The following RAD51B variants were observed in gnomAD, a reference collection of about 807,000 sequenced individuals.
The protein encoded by RAD51B is RAD51 paralog B, also known as DNA repair protein RAD51 homolog 2.
A neutral mutation model predicts 42.2 loss-of-function variants in RAD51B; 38 were observed. The ratio of observed to expected loss-of-function variants is 0.90; its 90% CI spans 0.70 to 1.18. The LOEUF is 1.18. Ranked by LOEUF, RAD51B falls within the 50% of genes most tolerant of loss-of-function variation. The pLI, the probability that RAD51B is intolerant of heterozygous loss-of-function variation, is 0.00. For synonymous variants in RAD51B, 154 were observed against 145.2 expected (o/e 1.06, Z -0.43); for missense variants, 373 against 400.7 (o/e 0.93, Z 0.59).
intron 7 of RAD51B, among the ~76,000 whole-genome samples, chr14:68,260,139 A>G (rs963716633): frequency 6.6e-6 from 1 of 152,138 alleles, no homozygotes. Context: ...GAGGACTTGC[A>G]TTAGCTGAGA....
At chr14:67,857,056 A>T (rs908746070) in intron 4 of RAD51B, among the ~76,000 whole-genome samples, 4 of 152,206 alleles carry the variant, frequency 2.6e-5, no homozygotes, top group Admixed American at 2.6e-4. Flanking sequence ...AACTGAACAC[A>T]ACTTGAAATT....
chr14:67,867,417 C>G, intron 5 of RAD51B, among the ~76,000 whole-genome samples: 1 of 152,188 alleles, frequency 6.6e-6, no homozygotes, highest in South Asian at 2.1e-4. Context: ...CTAGGGCATG[C>G]ACATTTTCAG....
intron 8 of RAD51B, among the ~76,000 whole-genome samples, chr14:68,376,456 A>G (rs1242080505): frequency 6.6e-6 from 1 of 152,254 alleles, no homozygotes. Context: ...TGGAAGAATG[A>G]GAAAGTTATC....
intron 8 of RAD51B, among the ~76,000 whole-genome samples, chr14:68,374,965 G>A (rs946849706): frequency 4.6e-5 from 7 of 151,476 alleles, no homozygotes; most frequent in South Asian, 2.1e-4. Flanking sequence ...GCGTGAATCC[G>A]AGACAATGAA....
chr14:68,394,225 G>A (rs898237487), intron 8 of RAD51B, among the ~76,000 whole-genome samples: 8 of 152,144 alleles, frequency 5.3e-5, no homozygotes, highest in African/African-American at 1.4e-4. Flanking sequence ...CGCTGCTTCC[G>A]CAAACCCTTC....
chr14:67,885,023 T>C (rs527934152), intron 5 of RAD51B, among the ~76,000 whole-genome samples: 1 of 152,340 alleles, frequency 6.6e-6, no homozygotes, highest in South Asian at 2.1e-4. Context: ...AGGATGCTTT[T>C]TGAGTTTACA....
chr14:67,895,978 G>A (rs1052708140), intron 7 of RAD51B, among the ~76,000 whole-genome samples: 2 of 152,020 alleles, frequency 1.3e-5, no homozygotes, highest in Non-Finnish European at 2.9e-5. Context: ...AGTACACATG[G>A]TCTTAACTTC....
At chr14:67,957,144 G>T (rs1425075373) in intron 7 of RAD51B, among the ~76,000 whole-genome samples, 1 of 152,204 alleles carries the variant, frequency 6.6e-6, no homozygotes, top group African/African-American at 2.4e-5. Flanking sequence ...AGATACAAGA[G>T]GATGTGAAAA....
At chr14:67,945,521 T>G (rs1238549384) in intron 7 of RAD51B, among the ~76,000 whole-genome samples, 1 of 152,214 alleles carries the variant, frequency 6.6e-6, no homozygotes, top group Non-Finnish European at 1.5e-5. Flanking sequence ...GAAGTGTTGC[T>G]TTGTCGCCCA....
chr14:67,902,353 A>G (rs1307062322), intron 7 of RAD51B, among the ~76,000 whole-genome samples: 1 of 152,192 alleles, frequency 6.6e-6, no homozygotes, highest in Non-Finnish European at 1.5e-5. Flanking sequence ...TAAATTCTGA[A>G]GCACTACGTA....
At chr14:68,225,641 AG>A in intron 7 of RAD51B, among the ~76,000 whole-genome samples, 1 of 152,252 alleles carries the variant, frequency 6.6e-6, no homozygotes, top group African/African-American at 2.4e-5. Context: ...GGTGGCTGAG[AG>A]TTCAGCCACA....
chr14:68,505,278 T>TAC (rs1190322122), intron 10 of RAD51B, among the ~76,000 whole-genome samples: 1 of 152,194 alleles, frequency 6.6e-6, no homozygotes, highest in Non-Finnish European at 1.5e-5. Flanking sequence ...ATCAGTTTTG[T>TAC]ACACTGGGCT....
chr14:67,916,632 G>A (rs1000264276), intron 7 of RAD51B, among the ~76,000 whole-genome samples: 8 of 152,134 alleles, frequency 5.3e-5, no homozygotes, highest in Non-Finnish European at 1.2e-4. Flanking sequence ...TTTAGCCACA[G>A]ACATGGATAA....
At chr14:68,401,287 T>G (rs2084096897) in intron 8 of RAD51B, among the ~76,000 whole-genome samples, 1 of 152,200 alleles carries the variant, frequency 6.6e-6, no homozygotes, top group Admixed American at 6.5e-5. Flanking sequence ...CATTTCATTT[T>G]CAAAAATGTC....
intron 8 of RAD51B, among the ~76,000 whole-genome samples, chr14:68,344,504 C>T (rs774484092): frequency 2.0e-5 from 3 of 151,678 alleles, no homozygotes; most frequent in Admixed American, 1.3e-4. Flanking sequence ...AAAATTAGCA[C>T]GGCGTGGTGG....
chr14:68,526,218 T>C (rs938530646), intron 10 of RAD51B, among the ~76,000 whole-genome samples: 1 of 152,248 alleles, frequency 6.6e-6, no homozygotes, highest in African/African-American at 2.4e-5. Flanking sequence ...TCCCAAATCT[T>C]GAGGCAAGTC....
At chr14:68,409,666 A>C (rs1396608366) in intron 8 of RAD51B, among the ~76,000 whole-genome samples, 1 of 152,152 alleles carries the variant, frequency 6.6e-6, no homozygotes. Flanking sequence ...GTCATGGGAG[A>C]CCATCCAGTG....
chr14:68,591,357 C>T (rs1890731885), intron 10 of RAD51B, among the ~76,000 whole-genome samples: 1 of 152,210 alleles, frequency 6.6e-6, no homozygotes, highest in African/African-American at 2.4e-5. Context: ...GAGGACACCT[C>T]TTCTGTTTGC....
intron 10 of RAD51B, among the ~76,000 whole-genome samples, chr14:68,621,782 G>A (rs983517229): frequency 2.7e-5 from 1 of 37,246 alleles, no homozygotes; most frequent in African/African-American, 2.3e-4. Flanking sequence ...TAGTGGCTTA[G>A]CAAGAATAAA....
Sources: gnomAD v4.1 joint callset for allele counts (sites outside exome capture counted in the v4.1 genomes callset) on GRCh38, gnomAD v4.1.1 for gene constraint, MANE v1.5 for transcripts, NCBI Gene and HGNC (gene_info 2026-07-23, HGNC 2026-07-21) for gene names.